NTF4: variants seen among roughly 807,000 people sequenced by gnomAD.
NTF4 encodes the protein neurotrophin-4.
A neutral mutation model predicts 4.4 loss-of-function variants in NTF4; 2 were observed. That is an observed-to-expected ratio of 0.46 (90% CI 0.19 to 1.44). The LOEUF (loss-of-function observed/expected upper bound fraction) is 1.44. Ranked by LOEUF, NTF4 falls within the 40% of genes most tolerant of loss-of-function variation. NTF4 has a pLI of 0.26. For missense variants in NTF4, 260 were observed against 293.0 expected, an observed-to-expected ratio of 0.89 and a Z score of 0.82; for synonymous variants, 127 against 122.0, an observed-to-expected ratio of 1.04 and a Z score of -0.27.
downstream of NTF4, chr19:49,058,624 C>CG: frequency 2.5e-6 from 1 of 397,072 alleles, no homozygotes; most frequent in Non-Finnish European, 4.5e-6. Flanking sequence ...GCACCGTGGG[C>CG]GGGGGGAAGG....
chr19:49,061,584 T>A lies in NTF4; in HGVS notation c.414A>T (p.Glu138Asp). 6.2e-7 allele frequency: 1 copy of A among 1,614,036 alleles called. No homozygotes were observed. The highest frequency in any genetic ancestry group is 8.5e-7 in the Non-Finnish European group (1 of 1,180,002). Residue 138 changes from glutamate to aspartate, a missense_variant, in exon 1 of 1, where the codon GAA (glutamate) becomes GAT (aspartate). Transcript: ENST00000593537. This position sits in a 1 kb window ranked among gnomAD's most constrained non-coding sequence, Gnocchi z 4.9. ...CAGCGTTATCAGCCTTGCAGCGGGTTTCAAAGAAGTACTGGCGGAGGGGAC... is the reference window on the plus strand; with the variant it reads ...CAGCGTTATCAGCCTTGCAGCGGGTATCAAAGAAGTACTGGCGGAGGGGAC...
downstream of NTF4, among the ~76,000 whole-genome samples, chr19:49,059,849 A>C (rs972946280): frequency 5.3e-5 from 8 of 151,890 alleles, no homozygotes; most frequent in African/African-American, 1.7e-4. Flanking sequence ...GGAGTTTGAG[A>C]CCAGCCCGGC....
At position 49,061,823 on chromosome 19, in the gene NTF4, G is replaced by A. The variant is rs1469117461; in HGVS notation, c.175C>T (p.Leu59Phe). The A allele has an allele frequency of 6.4e-7, 1 of 1,551,558 alleles. No individual in the cohort carries two copies. ...AAGGCCCCAGCCTCCAGCAGGAAGA[G>A]CAGAGGGGGCCCAGCAGGGGCACCC... is the stretch of plus-strand genomic sequence containing the variant. The change falls in exon 1 of 1, where the codon CTC becomes TTC. Residue 59 changes from leucine (L) to phenylalanine (F), a missense_variant. Physicochemically the swap from Leu to Phe is conservative, Grantham distance 22 (BLOSUM62 0). Transcript: ENST00000593537. This position sits in a 1 kb window ranked among gnomAD's most constrained non-coding sequence, Gnocchi z 4.9.
downstream of NTF4, among the ~76,000 whole-genome samples, chr19:49,059,128 C>G (rs2040102398): frequency 6.6e-6 from 1 of 152,118 alleles, no homozygotes; most frequent in South Asian, 2.1e-4. Context: ...ATGAGAAACA[C>G]CCCCCTTTGC....
At chr19:49,060,526 G>GGTTTTCA (rs2040119005), downstream of NTF4, 1 of 152,028 alleles carries the variant, frequency 6.6e-6, no homozygotes, top group African/African-American at 2.4e-5. Context: ...AGTAGAGTCG[G>GGTTTTCA]GTTTTCACCA....
Position 49,061,869 on chromosome 19 carries a change from G to A in NTF4, c.129C>T (p.Ser43=), listed in dbSNP as rs1029494815. 6.5e-7 allele frequency: 1 copy of A among 1,542,698 alleles called. No homozygotes were observed. Among genetic ancestry groups the A allele is most frequent in the African/African-American group, 1.4e-5 (1 of 72,950 alleles). Reference sequence around the variant, plus strand: ...CACCCCTAGACAGGACTACTCGGGGGGAGAGAAGGTCCCACTCAGGGGCCA... The same window carrying A: ...CACCCCTAGACAGGACTACTCGGGGAGAGAGAAGGTCCCACTCAGGGGCCA... The change falls in exon 1 of 1, where the codon TCC becomes TCT. Residue 43 remains serine (S), a synonymous_variant. Transcript: ENST00000593537. The surrounding 1 kb of genome is among the most constrained non-coding windows in gnomAD (Gnocchi z 4.9).
downstream of NTF4, chr19:49,058,380 A>G: frequency 9.1e-7 from 1 of 1,099,488 alleles, no homozygotes; most frequent in Non-Finnish European, 1.3e-6. Context: ...AGCTAGAAAG[A>G]CTCAGGAGTC....
At chr19:49,060,042 A>AAAAAC (rs2040114515), downstream of NTF4, among the ~76,000 whole-genome samples, 2 of 122,162 alleles carry the variant, frequency 1.6e-5, no homozygotes, top group African/African-American at 5.9e-5. Flanking sequence ...ATCTCAAAAA[A>AAAAAC]AAAAAAAAAA....
In NTF4 at chr19:49,061,562, C is replaced by A. The variant is rs140946623; in HGVS notation, c.436G>T (p.Ala146Ser). 2 of 1,614,048 alleles carry A rather than the reference C, an allele frequency of 1.2e-6. No homozygotes were observed. The highest frequency in any genetic ancestry group is 2.7e-5 in the African/African-American group (2 of 74,950). ...CCTGCCCCCGGGCCACCTTCCTCAG[C>A]GTTATCAGCCTTGCAGCGGGTTTCA... Residue 146 changes from alanine to serine, a missense_variant, in exon 1 of 1, where the codon GCT becomes TCT. Coordinates refer to ENST00000593537, the Ensembl canonical transcript of NTF4. This position sits in a 1 kb window ranked among gnomAD's most constrained non-coding sequence, Gnocchi z 4.9.
chr19:49,061,713 A>G lies in NTF4; in HGVS notation c.285T>C (p.Ala95=). The G allele has an allele frequency of 1.2e-6, 2 of 1,613,258 alleles. No homozygotes were observed. Among genetic ancestry groups the G allele is most frequent in the Non-Finnish European group, 1.7e-6 (2 of 1,179,772 alleles). ...CCCAGCCACTGACTGCATCGCACAC[A>G]GCCAGCTCACCCCGACGACTCGCTG... is the stretch of plus-strand genomic sequence containing the variant. Residue 95 remains alanine (A), a synonymous_variant, in exon 1 of 1, where the codon GCT becomes GCC. Transcript: ENST00000593537. The surrounding 1 kb of genome is among the most constrained non-coding windows in gnomAD (Gnocchi z 4.9).
At position 49,061,776 on chromosome 19, in the gene NTF4, CG is replaced by C. The variant is rs2040148414; in HGVS notation, c.221del (p.Pro74ArgfsTer9). The C allele has an allele frequency of 1.3e-6, 2 of 1,568,396 alleles. No homozygotes were observed. The highest frequency in any genetic ancestry group is 1.4e-5 in the African/African-American group (1 of 73,694). ...TCACCCCACGCCGGCTGCGGTTGGC[CG>C]GGGCACCTGCTGACTCCCGAAAGGC... On this transcript the variant is annotated frameshift_variant, in exon 1 of 1. Transcript: ENST00000593537. LOFTEE classifies it low-confidence loss of function (END_TRUNC). The surrounding 1 kb of genome is among the most constrained non-coding windows in gnomAD (Gnocchi z 4.9).
upstream of NTF4, chr19:49,062,094 T>C: frequency 7.2e-7 from 1 of 1,388,268 alleles, no homozygotes. Context: ...CAGGGGAGGC[T>C]TGCCTGCCAG....
chr19:49,058,918 G>A (rs2040099501), downstream of NTF4: 1 of 152,854 alleles, frequency 6.5e-6, no homozygotes, highest in South Asian at 2.1e-4. Flanking sequence ...GAGAGACAGG[G>A]ACTCCAAGAG....
chr19:49,060,036 C>G, downstream of NTF4, among the ~76,000 whole-genome samples: 1 of 28,426 alleles, frequency 3.5e-5, no homozygotes, highest in South Asian at 2.5e-3. Context: ...GACTCCATCT[C>G]AAAAAAAAAA....
downstream of NTF4, chr19:49,060,893 A>C (rs1359952562): frequency 1.1e-5 from 2 of 189,442 alleles, no homozygotes; most frequent in African/African-American, 4.7e-5. Context: ...CCAGATACTT[A>C]AAGGCCTTCT....
At chr19:49,059,950 T>A (rs2040112631), downstream of NTF4, among the ~76,000 whole-genome samples, 1 of 131,900 alleles carries the variant, frequency 7.6e-6, no homozygotes, top group Non-Finnish European at 1.5e-5. Context: ...GGCAGAAGAA[T>A]CACTTCAACC....
chr19:49,064,479 T>A (rs1328148773), upstream of NTF4: 1 of 154,952 alleles, frequency 6.5e-6, no homozygotes, highest in East Asian at 1.9e-4. Flanking sequence ...AGCGCCCTCC[T>A]CTCTCAGACC....
chr19:49,058,359 C>T, downstream of NTF4: 2 of 1,344,836 alleles, frequency 1.5e-6, no homozygotes, highest in Non-Finnish European at 2.0e-6. Context: ...GGAGAGAAGG[C>T]GCCGCACATC....
At chr19:49,058,950 G>C (rs557456744), downstream of NTF4, 1 of 153,000 alleles carries the variant, frequency 6.5e-6, no homozygotes, top group African/African-American at 2.4e-5. Context: ...AACACGGAGT[G>C]GGGGATGGAG....
Sources: allele counts gnomAD v4.1 joint callset (sites outside exome capture counted in the v4.1 genomes callset), GRCh38; gene constraint gnomAD v4.1.1; non-coding constraint Gnocchi (gnomAD v3.1); transcripts MANE v1.5; gene names NCBI Gene and HGNC (gene_info 2026-07-23, HGNC 2026-07-21).